SLC12A8: variants seen among roughly 807,000 people sequenced by gnomAD.
The protein encoded by SLC12A8 is solute carrier family 12 member 8, also known as cation-chloride cotransporter 9.
In SLC12A8, 69 loss-of-function variants were observed where a neutral mutation model predicts 75.6. That is an observed-to-expected ratio of 0.91 (90% CI 0.75 to 1.11). SLC12A8 has a LOEUF of 1.11. Among genes scored for constraint, SLC12A8 ranks in the 50% most tolerant of loss-of-function variants. The pLI, the probability that SLC12A8 is intolerant of heterozygous loss-of-function variation, is 0.00. For missense variants in SLC12A8, 877 were observed against 896.7 expected, an observed-to-expected ratio of 0.98 and a Z score of 0.28; for synonymous variants, 365 against 372.8, an observed-to-expected ratio of 0.98 and a Z score of 0.24.
At chr3:125,087,348 C>A (rs1357437034) in intron 13 of SLC12A8, among the ~76,000 whole-genome samples, 1 of 152,106 alleles carries the variant, frequency 6.6e-6, no homozygotes. Context: ...CCACCTTGGC[C>A]TCCCAAAGTG....
chr3:125,116,410 G>A (rs1939312660), intron 8 of SLC12A8, among the ~76,000 whole-genome samples: 1 of 152,166 alleles, frequency 6.6e-6, no homozygotes, highest in South Asian at 2.1e-4. Flanking sequence ...TGTCATTGCT[G>A]GGCCTGATGA....
chr3:125,136,310 A>C (rs1579496775), intron 5 of SLC12A8, among the ~76,000 whole-genome samples: 2 of 149,752 alleles, frequency 1.3e-5, no homozygotes, highest in African/African-American at 4.9e-5. Context: ...ACCCACACCC[A>C]CCCCCCTGCC....
At chr3:125,183,656 T>C (rs1934710293) in intron 4 of SLC12A8, among the ~76,000 whole-genome samples, 1 of 152,092 alleles carries the variant, frequency 6.6e-6, no homozygotes, top group Non-Finnish European at 1.5e-5. Context: ...AACTTTCCAG[T>C]CATTCATTGT....
intron 3 of SLC12A8, among the ~76,000 whole-genome samples, chr3:125,188,517 G>A (rs1466037815): frequency 6.6e-6 from 1 of 152,198 alleles, no homozygotes; most frequent in East Asian, 1.9e-4. Context: ...AACAAACCAT[G>A]CATGGCTGGA....
chr3:125,148,286 C>T (rs912110901), intron 5 of SLC12A8, among the ~76,000 whole-genome samples: 1 of 152,224 alleles, frequency 6.6e-6, no homozygotes, highest in Middle Eastern at 3.2e-3. Flanking sequence ...TAGTGCTGGC[C>T]TGGGGTGTGG....
chr3:125,113,881 T>G (rs1712466), intron 8 of SLC12A8, among the ~76,000 whole-genome samples: 2 of 152,138 alleles, frequency 1.3e-5, no homozygotes, highest in Non-Finnish European at 2.9e-5. Flanking sequence ...TGAGGGACTC[T>G]GCTCATTCAT....
At chr3:125,174,083 C>T (rs1020889241) in intron 5 of SLC12A8, among the ~76,000 whole-genome samples, 1 of 152,144 alleles carries the variant, frequency 6.6e-6, no homozygotes. Flanking sequence ...CAGAACAAGA[C>T]CCTGTCTCAA....
intron 1 of SLC12A8, among the ~76,000 whole-genome samples, chr3:125,212,002 G>A (rs1308026504): frequency 6.6e-6 from 1 of 152,068 alleles, no homozygotes; most frequent in East Asian, 1.9e-4. Context: ...TTCCTTGAGG[G>A]GAGGAGGGAG....
At chr3:125,160,753 G>C (rs1934149186) in intron 5 of SLC12A8, among the ~76,000 whole-genome samples, 2 of 152,192 alleles carry the variant, frequency 1.3e-5, no homozygotes, top group African/African-American at 4.8e-5. Flanking sequence ...GTGCCATAAG[G>C]GGCCTCTTTG....
At chr3:125,191,023 G>A (rs756764056) in intron 2 of SLC12A8, among the ~76,000 whole-genome samples, 8 of 152,120 alleles carry the variant, frequency 5.3e-5, no homozygotes, top group Non-Finnish European at 8.8e-5. Context: ...AGCAGCTTCC[G>A]GCAGTTGACA....
At chr3:125,209,716 A>G (rs1935298398) in intron 2 of SLC12A8, among the ~76,000 whole-genome samples, 1 of 152,250 alleles carries the variant, frequency 6.6e-6, no homozygotes, top group Admixed American at 6.5e-5. Context: ...GTGCAGTGAC[A>G]CAGGATGCTG....
intron 6 of SLC12A8, among the ~76,000 whole-genome samples, chr3:125,124,308 T>C (rs1226777044): frequency 6.6e-6 from 1 of 152,010 alleles, no homozygotes; most frequent in Non-Finnish European, 1.5e-5. Context: ...AAGTGTACAT[T>C]TGTTTGTGTT....
intron 6 of SLC12A8, among the ~76,000 whole-genome samples, chr3:125,122,751 T>A (rs923383341): frequency 6.6e-6 from 1 of 152,128 alleles, no homozygotes; most frequent in Non-Finnish European, 1.5e-5. Context: ...GGGAAATCCA[T>A]GCCCACAACC....
At chr3:125,108,188 CAGAAGTTACAGGCT>C in intron 9 of SLC12A8, 62 bp from the exon 10 acceptor site, 1 of 1,499,006 alleles carries the variant, frequency 6.7e-7, no homozygotes, top group Non-Finnish European at 9.0e-7. Context: ...TCAGAGATTT[CAGAAGTTACAGGCT>C]AGAAACACAA....
chr3:125,179,021 A>C (rs112494549), intron 4 of SLC12A8, among the ~76,000 whole-genome samples: 54 of 152,286 alleles, frequency 3.5e-4, no homozygotes, highest in African/African-American at 1.3e-3. Context: ...CATCAGTCTC[A>C]CTTTTCCTAA....
chr3:125,184,504 A>T (rs1934732444), intron 4 of SLC12A8, among the ~76,000 whole-genome samples: 1 of 151,988 alleles, frequency 6.6e-6, no homozygotes, highest in African/African-American at 2.4e-5. Flanking sequence ...GACCCTCAAA[A>T]CCCAAAATAT....
intron 10 of SLC12A8, among the ~76,000 whole-genome samples, chr3:125,094,101 A>G (rs535490855): frequency 6.6e-6 from 1 of 152,260 alleles, no homozygotes; most frequent in Non-Finnish European, 1.5e-5. Flanking sequence ...GCGGTGTGTC[A>G]TTACCAGTAA....
chr3:125,212,481 C>A (rs1296036710), intron 1 of SLC12A8, among the ~76,000 whole-genome samples: 1 of 152,180 alleles, frequency 6.6e-6, no homozygotes, highest in Non-Finnish European at 1.5e-5. Flanking sequence ...CACGCTGGGA[C>A]CCGGGCCCCT....
chr3:125,152,177 G>T (rs1344238650), intron 5 of SLC12A8, among the ~76,000 whole-genome samples: 5 of 152,228 alleles, frequency 3.3e-5, no homozygotes, highest in Non-Finnish European at 7.3e-5. Context: ...GAGAAAGCAA[G>T]AAGTGACTTT....
Sources: gnomAD v4.1 joint callset for allele counts (sites outside exome capture counted in the v4.1 genomes callset) on GRCh38, gnomAD v4.1.1 for gene constraint, MANE v1.5 for transcripts, NCBI Gene and HGNC (gene_info 2026-07-23, HGNC 2026-07-21) for gene names.